MOB3B: variants seen among roughly 807,000 people sequenced by gnomAD.
MOB3B encodes MOB kinase activator 3B.
Under a neutral mutation model 18.7 loss-of-function variants are expected in MOB3B, and 7 were observed. The ratio of observed to expected loss-of-function variants is 0.37; its 90% CI spans 0.21 to 0.70. The LOEUF is 0.70. Among genes scored for constraint, MOB3B ranks in the 30% least tolerant of loss-of-function variants. MOB3B has a pLI of 0.52. For synonymous variants in MOB3B, 111 were observed against 99.9 expected (o/e 1.11, Z -0.66); for missense variants, 253 against 281.3 (o/e 0.90, Z 0.72).
chr9:27,494,232 C>T (rs1381517188), intron 1 of MOB3B, among the ~76,000 whole-genome samples: 1 of 152,206 alleles, frequency 6.6e-6, no homozygotes, highest in Non-Finnish European at 1.5e-5. Flanking sequence ...ACTTCATTAG[C>T]AATTTTAATT....
chr9:27,351,060 G>A (rs553867623), intron 3 of MOB3B, among the ~76,000 whole-genome samples: 11 of 152,104 alleles, frequency 7.2e-5, no homozygotes, highest in Admixed American at 6.5e-4. Context: ...CTGACACCAC[G>A]CCTGGCTAAT....
intron 2 of MOB3B, among the ~76,000 whole-genome samples, chr9:27,383,012 G>T (rs1821601153): frequency 6.6e-6 from 1 of 152,194 alleles, no homozygotes; most frequent in African/African-American, 2.4e-5. Flanking sequence ...ATAAGAGAGA[G>T]TTTAGCAGGG....
chr9:27,356,482 A>C (rs182213336), intron 3 of MOB3B, among the ~76,000 whole-genome samples: 2 of 152,346 alleles, frequency 1.3e-5, no homozygotes, highest in Non-Finnish European at 2.9e-5. Flanking sequence ...ATAGAAAATA[A>C]CTGAGTTTTC....
At chr9:27,481,036 T>C (rs1819641250) in intron 1 of MOB3B, among the ~76,000 whole-genome samples, 1 of 152,126 alleles carries the variant, frequency 6.6e-6, no homozygotes, top group Non-Finnish European at 1.5e-5. Flanking sequence ...CAAAGGAAGG[T>C]AAAACTATTG....
intron 2 of MOB3B, among the ~76,000 whole-genome samples, chr9:27,370,237 G>A (rs145994134): frequency 3.5e-4 from 53 of 152,068 alleles, no homozygotes; most frequent in South Asian, 1.2e-3. Context: ...GGCTGGGCGC[G>A]GTCGCTCAGG....
intron 1 of MOB3B, among the ~76,000 whole-genome samples, chr9:27,476,868 T>G (rs1819561000): frequency 6.6e-6 from 1 of 152,192 alleles, no homozygotes; most frequent in South Asian, 2.1e-4. Flanking sequence ...GGCATAGTGA[T>G]GCAAACCTAT....
At chr9:27,490,979 C>CT (rs10602930) in intron 1 of MOB3B, among the ~76,000 whole-genome samples, 45 of 150,240 alleles carry the variant, frequency 3.0e-4, no homozygotes, top group Admixed American at 5.9e-4. Flanking sequence ...ATCATACAGC[C>CT]TTTTTTTTTT....
At position 27,529,706 on chromosome 9, in the gene MOB3B, C is replaced by G. The variant is rs1284967715; in HGVS notation, c.-350G>C. 1.0e-6 allele frequency: 1 copy of G among 985,404 alleles called. No individual in the cohort carries two copies. The allele number at this position is 985,404 out of a possible 1,614,324, so 61.0% of individuals were successfully genotyped here. On this transcript the variant is annotated 5_prime_UTR_variant, in exon 1 of 4. Transcript: ENST00000262244. ...CTGCCGCCGGTGCGCGAGGTCCCGG[C>G]GAGCCAACCGGCGGACGGGCGAGCG...
intron 1 of MOB3B, among the ~76,000 whole-genome samples, chr9:27,527,045 T>TCC (rs58578911): frequency 0.26 from 40,205 of 152,060 alleles, 5,468 homozygotes; most frequent in Admixed American, 0.31. Context: ...TTATGATATC[T>TCC]CCCCCTTTTA....
chr9:27,461,331 T>G (rs886664902), intron 1 of MOB3B, among the ~76,000 whole-genome samples: 1 of 152,222 alleles, frequency 6.6e-6, no homozygotes, highest in Non-Finnish European at 1.5e-5. Flanking sequence ...CCTTATGCAC[T>G]GTTTACCTTA....
chr9:27,367,216 C>T (rs1821354080), intron 2 of MOB3B, among the ~76,000 whole-genome samples: 1 of 152,226 alleles, frequency 6.6e-6, no homozygotes, highest in Non-Finnish European at 1.5e-5. Flanking sequence ...AAGGGACAGA[C>T]TTGGGCTTTA....
chr9:27,415,348 G>C (rs1251608471), intron 2 of MOB3B, among the ~76,000 whole-genome samples: 2 of 151,806 alleles, frequency 1.3e-5, no homozygotes, highest in Admixed American at 6.6e-5. Context: ...TGCCTCTGAA[G>C]ATGGCTCTAA....
At chr9:27,479,642 A>T (rs946761782) in intron 1 of MOB3B, among the ~76,000 whole-genome samples, 3 of 152,218 alleles carry the variant, frequency 2.0e-5, no homozygotes, top group African/African-American at 4.8e-5. Flanking sequence ...CTCAAAAAAA[A>T]TTTTTAAGAT....
At chr9:27,453,462 G>A (rs750917973) in intron 2 of MOB3B, among the ~76,000 whole-genome samples, 3 of 152,110 alleles carry the variant, frequency 2.0e-5, no homozygotes, top group South Asian at 2.1e-4. Flanking sequence ...AAGCAAAGTC[G>A]GTTACCCTGG....
intron 2 of MOB3B, among the ~76,000 whole-genome samples, chr9:27,428,723 T>C (rs549240946): frequency 6.6e-6 from 1 of 152,346 alleles, no homozygotes; most frequent in African/African-American, 2.4e-5. Context: ...GTGCCATGGC[T>C]CCCAGCTCTG....
At chr9:27,503,324 C>T (rs1820015421) in intron 1 of MOB3B, among the ~76,000 whole-genome samples, 1 of 152,218 alleles carries the variant, frequency 6.6e-6, no homozygotes, top group African/African-American at 2.4e-5. Context: ...CTTGTCCTCT[C>T]CATCTGCTCC....
chr9:27,359,371 G>T, intron 2 of MOB3B, 135 bp from the exon 3 acceptor site: 1 of 535,168 alleles, frequency 1.9e-6, no homozygotes. Flanking sequence ...TAGGGAGTGT[G>T]TGTGTGTGGG....
At chr9:27,515,147 G>A (rs983645753) in intron 1 of MOB3B, among the ~76,000 whole-genome samples, 3 of 152,142 alleles carry the variant, frequency 2.0e-5, no homozygotes, top group African/African-American at 4.8e-5. Context: ...ATTATGGCAT[G>A]CATTCTTAAC....
At chr9:27,414,150 G>A (rs564529732) in intron 2 of MOB3B, among the ~76,000 whole-genome samples, 8 of 152,262 alleles carry the variant, frequency 5.3e-5, no homozygotes, top group South Asian at 2.1e-4. Context: ...GGAAAACCTT[G>A]CTTTTCAAAG....
Sources: gnomAD v4.1 joint callset for allele counts (sites outside exome capture counted in the v4.1 genomes callset) on GRCh38, gnomAD v4.1.1 for gene constraint, MANE v1.5 for transcripts, NCBI Gene and HGNC (gene_info 2026-07-23, HGNC 2026-07-21) for gene names.